The following PRSS55 variants were observed in gnomAD, a reference collection of about 807,000 sequenced individuals.
PRSS55 encodes the protein serine protease 55.
In PRSS55, 41 loss-of-function variants were observed where a neutral mutation model predicts 23.6. That is an observed-to-expected ratio of 1.74 (90% CI 1.35 to 2.26). The LOEUF (loss-of-function observed/expected upper bound fraction) is 2.26, where lower values mean the gene tolerates loss of function less well. Among genes scored for constraint, PRSS55 ranks in the 30% most tolerant of loss-of-function variants. PRSS55 has a pLI of 0.00. For missense variants in PRSS55, 669 were observed against 439.1 expected (o/e 1.52, Z -4.68); for synonymous variants, 262 against 175.5 (o/e 1.49, Z -3.90).
chr8:10,548,585 G>C lies in PRSS55; in HGVS notation c.742-5358G>C, dbSNP rs529245559. 2.0e-5 allele frequency among the ~76,000 whole-genome samples: 3 copies of C among 152,178 alleles called. No individual in the cohort carries two copies. The South Asian group carries it at 6.2e-4, about 32-fold the overall frequency. ...CTTTGGACCCTTTCCTTCCTGACAC[G>C]GTGAGCCAGGAATCTGGGCCAACAC... On this transcript the variant is annotated intron_variant, in intron 4 of 4. Coordinates refer to the PRSS55 transcript ENST00000522210.
rs772836135 is a variant in PRSS55, at chr8:10,531,466, GC to G, written c.522del (p.Ile175SerfsTer31). Reference protein sequence around the residue: ...SPIKLDDLKVPICLPTQPGPA... With the variant: ...SPIKLDDLKVXICLPTQPGPA... The stretch of plus-strand genomic sequence containing the variant: ...CCATCAAGCTCGATGACCTGAAGGT[GC>G]CCATCTGCCTCCCCACGCAGCCCGG... On this transcript the variant is annotated frameshift_variant, in exon 3 of 5. Transcript: ENST00000328655. LOFTEE classifies it high-confidence loss of function. The G allele has an allele frequency of 3.7e-6, 6 of 1,613,966 alleles. No individual in the cohort carries two copies. The African/African-American group carries it at 8.0e-5, about 22-fold the overall frequency.
chr8:10,549,047 C>G (rs890979415), intron 4 of PRSS55, among the ~76,000 whole-genome samples: 4 of 152,294 alleles, frequency 2.6e-5, no homozygotes, highest in East Asian at 1.9e-4. Context: ...ATAGATGCAA[C>G]CAAGGCTAGG....
chr8:10,543,523 C>G (rs6992079), downstream of PRSS55, among the ~76,000 whole-genome samples: 140,857 of 141,096 alleles, frequency 1, 70,309 homozygotes, highest in Middle Eastern at 1. Context: ...CGCCCAGGCT[C>G]AGTGCAGCGG....
intron 1 of PRSS55, 47 bp downstream of exon 1, chr8:10,525,786 C>G: frequency 6.5e-7 from 1 of 1,529,042 alleles, no homozygotes; most frequent in Non-Finnish European, 8.8e-7. Flanking sequence ...CATGGTCCAG[C>G]TGACTGGCTG....
intron 4 of PRSS55, among the ~76,000 whole-genome samples, chr8:10,549,937 T>G (rs1329942304): frequency 6.6e-6 from 1 of 152,202 alleles, no homozygotes; most frequent in Non-Finnish European, 1.5e-5. Flanking sequence ...ATTTTTAATT[T>G]TTGAGACAGT....
At chr8:10,541,362 T>A (rs1195248269), downstream of PRSS55, 1 of 152,110 alleles carries the variant, frequency 6.6e-6, no homozygotes, top group African/African-American at 2.4e-5. Flanking sequence ...AAGGCCTGAG[T>A]AGGACAAAAA....
downstream of PRSS55, chr8:10,540,787 T>A (rs1338212161): frequency 6.6e-6 from 1 of 152,136 alleles, no homozygotes; most frequent in Non-Finnish European, 1.5e-5. Flanking sequence ...CCTCCAGAGG[T>A]CCTACAGCTA....
intron 4 of PRSS55, among the ~76,000 whole-genome samples, chr8:10,533,561 C>T (rs146204201): frequency 6.6e-6 from 1 of 152,104 alleles, no homozygotes; most frequent in African/African-American, 2.4e-5. Context: ...CTCTTTGCCT[C>T]TCTTTAATAA....
intron 1 of PRSS55, chr8:10,529,279 C>A (rs1339830602): frequency 3.4e-6 from 2 of 585,866 alleles, no homozygotes; most frequent in African/African-American, 3.7e-5. Flanking sequence ...GAGTCAGAGC[C>A]AATGCTTCTG....
In PRSS55 at chr8:10,532,150, G is replaced by A. The variant is rs372197928; in HGVS notation, c.598+605G>A. Among the ~76,000 whole-genome samples, 43 of 152,244 alleles carry A rather than the reference G, an allele frequency of 2.8e-4. 1 individual carries two copies. The highest frequency in any genetic ancestry group is 8.4e-4 in the African/African-American group (35 of 41,546). On this transcript the variant is annotated intron_variant, in intron 3 of 4. Coordinates refer to ENST00000328655, the MANE Select transcript of PRSS55 (RefSeq NM_198464.4). ...TTGCGTCAGCCTGAAGGAGGCTCTC[G>A]ATCCACAGGGATGATTTGCAGCGAG... is the stretch of plus-strand genomic sequence containing the variant.
At chr8:10,539,193 A>G (rs1812566522), downstream of PRSS55, among the ~76,000 whole-genome samples, 1 of 152,176 alleles carries the variant, frequency 6.6e-6, no homozygotes, top group South Asian at 2.1e-4. Context: ...AGCGGTGATG[A>G]GAACAAAGAA....
intron 4 of PRSS55, among the ~76,000 whole-genome samples, chr8:10,551,787 C>T (rs1812957802): frequency 6.6e-6 from 1 of 152,220 alleles, no homozygotes; most frequent in Non-Finnish European, 1.5e-5. Flanking sequence ...GCACTCCTCC[C>T]TCTCCTGTGT....
At chr8:10,530,589 C>T (rs937180048) in intron 2 of PRSS55, among the ~76,000 whole-genome samples, 2 of 152,130 alleles carry the variant, frequency 1.3e-5, no homozygotes, top group African/African-American at 4.8e-5. Flanking sequence ...GTCCAATACA[C>T]TGAGGCTGCT....
intron 4 of PRSS55, among the ~76,000 whole-genome samples, chr8:10,534,567 C>G (rs1204169866): frequency 6.6e-6 from 1 of 151,972 alleles, no homozygotes; most frequent in East Asian, 1.9e-4. Context: ...ACACATACCT[C>G]AAAATAATAA....
At chr8:10,526,159 G>A (rs1035554078) in intron 1 of PRSS55, among the ~76,000 whole-genome samples, 2 of 152,162 alleles carry the variant, frequency 1.3e-5, no homozygotes, top group African/African-American at 4.8e-5. Flanking sequence ...AGAGCTCCCT[G>A]ATGGCTCATT....
At chr8:10,536,483 A>G (rs931081827) in intron 4 of PRSS55, among the ~76,000 whole-genome samples, 4 of 152,204 alleles carry the variant, frequency 2.6e-5, no homozygotes, top group Non-Finnish European at 4.4e-5. Flanking sequence ...TTAAAACACA[A>G]CTACCATTAA....
At position 10,529,534 on chromosome 8, in the gene PRSS55, G is replaced by A; in HGVS notation, c.182G>A (p.Gly61Glu). The stretch of plus-strand genomic sequence containing the variant: ...TGTGGTGACAGATCTATTTTCGAGG[G>A]AAGAACTCGGTATTCCAGAATCACA... Reference protein sequence around the residue: ...SECGDRSIFEGRTRYSRITGG... With the variant: ...SECGDRSIFEERTRYSRITGG... The change falls in exon 2 of 5, where the codon GGA becomes GAA. Residue 61 changes from glycine (G) to glutamate (E), a missense_variant. Physicochemically the swap from Gly to Glu is moderately conservative, Grantham distance 98. Transcript: ENST00000328655. The A allele has an allele frequency of 6.2e-7, 1 of 1,614,180 alleles. No homozygotes were observed. The highest frequency in any genetic ancestry group is 1.7e-5 in the Admixed American group (1 of 60,026).
chr8:10,542,422 A>T (rs1011137714), downstream of PRSS55, among the ~76,000 whole-genome samples: 1 of 150,100 alleles, frequency 6.7e-6, no homozygotes, highest in African/African-American at 2.5e-5. Flanking sequence ...TGCGGGGGAA[A>T]AAAAAAAAAA....
chr8:10,542,906 C>G (rs1255912715), downstream of PRSS55, among the ~76,000 whole-genome samples: 1 of 144,326 alleles, frequency 6.9e-6, no homozygotes, highest in Non-Finnish European at 1.5e-5. Context: ...AAGACAACCT[C>G]TTGGAGGGAT....
Sources: allele counts gnomAD v4.1 joint callset (sites outside exome capture counted in the v4.1 genomes callset), GRCh38; gene constraint gnomAD v4.1.1; transcripts MANE v1.5; gene names NCBI Gene and HGNC (gene_info 2026-07-23, HGNC 2026-07-21).